ESPL1: variants seen among roughly 807,000 people sequenced by gnomAD.
ESPL1 encodes extra spindle pole bodies like 1, separase.
Under a neutral mutation model 217.2 loss-of-function variants are expected in ESPL1, and 50 were observed. The ratio of observed to expected loss-of-function variants is 0.23; its 90% CI spans 0.18 to 0.29. The LOEUF (loss-of-function observed/expected upper bound fraction) is 0.29. ESPL1 is among the 10% of genes least tolerant of loss of function. ESPL1 has a pLI of 1.00. For synonymous variants in ESPL1, 994 were observed against 1,081.3 expected, an observed-to-expected ratio of 0.92 and a Z score of 1.58; for missense variants, 1,834 against 2,603.0, an observed-to-expected ratio of 0.70 and a Z score of 6.43.
At chr12:53,289,752 G>A in intron 22 of ESPL1, 158 bp downstream of exon 22, 1 of 690,528 alleles carries the variant, frequency 1.4e-6, no homozygotes, top group South Asian at 2.1e-5. Context: ...AGGAAGGTTT[G>A]TTGTTTTTTT....
In ESPL1 at chr12:53,285,986, C is replaced by A. The variant is rs202160500; in HGVS notation, c.3250C>A (p.Gln1084Lys). The A allele has an allele frequency of 6.3e-7, 1 of 1,582,788 alleles. No individual in the cohort carries two copies. The highest frequency in any genetic ancestry group is 1.1e-5 in the South Asian group (1 of 89,110). Residue 1084 changes from glutamine (Q) to lysine (K), a missense_variant, in exon 18 of 31, where the codon CAG (glutamine) becomes AAG (lysine). Gln to Lys is a moderately conservative substitution (Grantham distance 53, BLOSUM62 1). Coordinates refer to ENST00000257934, the MANE Select transcript of ESPL1 (RefSeq NM_012291.5). Reference sequence around the variant, plus strand: ...GAAGGTCCACCTGCAGAAGGGGAAGCAGCAGGCCCAGGTCCCCTGTCCTCC... The same window carrying A: ...GAAGGTCCACCTGCAGAAGGGGAAGAAGCAGGCCCAGGTCCCCTGTCCTCC... ...VKKVHLQKGKQQAQVPCPPQL... is the reference protein window; with the variant it reads ...VKKVHLQKGKKQAQVPCPPQL...
Position 53,286,243 on chromosome 12 carries a change from G to T in ESPL1, c.3507G>T (p.Gly1169=). 1 of 1,614,248 alleles carries T rather than the reference G, an allele frequency of 6.2e-7. No homozygotes were observed. ...VCLRWVLVTA[G]VRLAMGHQAQ... ...TGCGCTGGGTATTGGTCACGGCAGG[G>T]GTGAGGCTGGCCATGGGCCACCAAG... The change falls in exon 18 of 31, where the codon GGG becomes GGT. Residue 1169 remains glycine (G), a synonymous_variant. Coordinates refer to ENST00000257934, the MANE Select transcript of ESPL1 (RefSeq NM_012291.5). This position sits in a 1 kb window ranked among gnomAD's most constrained non-coding sequence, Gnocchi z 5.3.
chr12:53,278,203 C>T (rs1943803418), intron 11 of ESPL1, among the ~76,000 whole-genome samples: 1 of 152,194 alleles, frequency 6.6e-6, no homozygotes, highest in Admixed American at 6.6e-5. Flanking sequence ...CATGCTACTG[C>T]CTCGTGGCGT....
At chr12:53,277,653 T>C in intron 10 of ESPL1, 45 bp downstream of exon 10, 1 of 1,607,480 alleles carries the variant, frequency 6.2e-7, no homozygotes, top group South Asian at 1.1e-5. Flanking sequence ...CATGGCTTCC[T>C]AAGAGTGGAA....
At position 53,269,848 on chromosome 12, in the gene ESPL1, G is replaced by C. The variant is rs1191957279; in HGVS notation, c.906G>C (p.Gln302His). 6.2e-7 allele frequency: 1 copy of C among 1,614,254 alleles called. No individual in the cohort carries two copies. Among genetic ancestry groups the C allele is most frequent in the Non-Finnish European group, 8.5e-7 (1 of 1,180,038 alleles). The part of the protein sequence containing the change: ...QLCQLGVKLL[Q>H]VGEEGPQAVA... ...GTCAGCTGGGGGTTAAGCTGCTGCA[G>C]GTTGGGGAGGAAGGACCTCAGGCAG... The change falls in exon 3 of 31, where the codon CAG (glutamine) becomes CAC (histidine). Residue 302 changes from glutamine to histidine, a missense_variant. Gln to His is a conservative substitution (Grantham distance 24). Around this residue, in one of 5 missense-constraint regions of ESPL1, gnomAD observed 746 missense variants for 1,077.0 expected, o/e 0.69. Coordinates refer to ENST00000257934, the MANE Select transcript of ESPL1 (RefSeq NM_012291.5). This position sits in a 1 kb window ranked among gnomAD's most constrained non-coding sequence, Gnocchi z 6.7.
chr12:53,279,037 G>A (rs555967188), intron 11 of ESPL1, among the ~76,000 whole-genome samples: 16 of 152,178 alleles, frequency 1.1e-4, no homozygotes, highest in African/African-American at 3.6e-4. Flanking sequence ...GACTACAGGC[G>A]CATACCACCA....
Position 53,270,673 on chromosome 12 carries a change from T to C in ESPL1, c.1249-5T>C. On this transcript the variant is annotated splice_region_variant and splice_polypyrimidine_tract_variant and intron_variant, in intron 4 of 30. Coordinates refer to ENST00000257934, the MANE Select transcript of ESPL1 (RefSeq NM_012291.5). ...CTCACTCTCAAACCCTTCTTGTCCC[T>C]TCAGATAGTTGATTTGGCTGACCTG... is the stretch of plus-strand genomic sequence containing the variant. The C allele has an allele frequency of 6.2e-7, 1 of 1,614,154 alleles. No homozygotes were observed. Among genetic ancestry groups the C allele is most frequent in the Non-Finnish European group, 8.5e-7 (1 of 1,180,022 alleles).
In ESPL1 at chr12:53,276,639, A is replaced by G. The variant is rs1198455000; in HGVS notation, c.1720A>G (p.Ser574Gly). Residue 574 changes from serine (S) to glycine (G), a missense_variant, in exon 8 of 31, where the codon AGT becomes GGT. Physicochemically the swap from Ser to Gly is moderately conservative, Grantham distance 56 (BLOSUM62 0). This residue lies in a region of ESPL1 where 746 missense variants were observed against 1,077.0 expected (regional missense o/e 0.69). Transcript: ENST00000257934. The part of the protein sequence containing the change: ...LQLKTLRDSL[S>G]GWDPETLALL... ...TCTCAGGACTCTGCGAGACAGCCTC[A>G]GTGGCTGGGACCCGGAGACCCTGGC... The G allele has an allele frequency of 3.1e-6, 5 of 1,612,030 alleles. No homozygotes were observed. The African/African-American group carries it at 5.3e-5, about 17-fold the overall frequency.
rs775588976 is a variant in ESPL1 at position 53,292,935 on chromosome 12, G to A, written c.6126G>A (p.Gly2042=). Reference sequence around the variant, plus strand: ...TGGCTGTGCGTGGAAACCTGGAGGGGGCTGGCATCGTGCTCAAGTACATCA... The same window carrying A: ...TGGCTGTGCGTGGAAACCTGGAGGGAGCTGGCATCGTGCTCAAGTACATCA... ...AALAVRGNLE[G]AGIVLKYIMA... Residue 2042 remains glycine (G), a synonymous_variant, in exon 30 of 31, where the codon GGG becomes GGA. Transcript: ENST00000257934. The surrounding 1 kb of genome is among the most constrained non-coding windows in gnomAD (Gnocchi z 4.5). 14 of 1,613,914 alleles carry A rather than the reference G, an allele frequency of 8.7e-6. No homozygotes were observed. The South Asian group carries it at 1.4e-4, about 16-fold the overall frequency.
At position 53,270,769 on chromosome 12, in the gene ESPL1, A is replaced by G. The variant is rs751393542; in HGVS notation, c.1340A>G (p.Gln447Arg). ...MLEALEGLSGQELTDHMGMTA... is the reference protein window; with the variant it reads ...MLEALEGLSGRELTDHMGMTA... ...GAGGCCTTAGAGGGCCTGTCGGGCC[A>G]AGAGCTGACGGACCACATGGGGATG... Residue 447 changes from glutamine (Q) to arginine (R), a missense_variant, in exon 5 of 31, where the codon CAA becomes CGA. Transcript: ENST00000257934. The G allele has an allele frequency of 6.8e-6, 11 of 1,614,098 alleles. No individual in the cohort carries two copies. In the Admixed American group the frequency reaches 8.3e-5, roughly 12 times the overall value.
chr12:53,272,195 C>T (rs910191277), intron 5 of ESPL1, among the ~76,000 whole-genome samples: 4 of 152,042 alleles, frequency 2.6e-5, no homozygotes, highest in South Asian at 2.1e-4. Context: ...CATGGAGCCA[C>T]GTTCTAGTTT....
At chr12:53,280,345 T>C (rs1943840968) in intron 12 of ESPL1, among the ~76,000 whole-genome samples, 1 of 152,198 alleles carries the variant, frequency 6.6e-6, no homozygotes, top group Admixed American at 6.5e-5. Flanking sequence ...CTGGATAACT[T>C]TGCCACAAAA....
intron 18 of ESPL1, chr12:53,287,144 C>T: frequency 2.5e-6 from 1 of 406,392 alleles, no homozygotes. Context: ...GCAATCTCAG[C>T]TCACTGCAAG....
Position 53,282,434 on chromosome 12 carries a change from A to C in ESPL1, c.2790A>C (p.Gln930His). 1 of 1,613,952 alleles carries C rather than the reference A, an allele frequency of 6.2e-7. No individual in the cohort carries two copies. The highest frequency in any genetic ancestry group is 8.5e-7 in the Non-Finnish European group (1 of 1,179,870). Reference sequence around the variant, plus strand: ...CCCTGTGGGAGCAGCTCTGTGCCCAAGGTGAAAGAATAGGGTGGATGGCCC... The same window carrying C: ...CCCTGTGGGAGCAGCTCTGTGCCCACGGTGAAAGAATAGGGTGGATGGCCC... ...SHSLWEQLCA[Q>H]GWQTPEIALI... The change falls in exon 14 of 31, where the codon CAA becomes CAC. Residue 930 changes from glutamine (Q) to histidine (H), a missense_variant and splice_region_variant. Around this residue, in one of 5 missense-constraint regions of ESPL1, gnomAD observed 107 missense variants for 171.7 expected, o/e 0.62. Coordinates refer to ENST00000257934, the MANE Select transcript of ESPL1 (RefSeq NM_012291.5). The surrounding 1 kb of genome is among the most constrained non-coding windows in gnomAD (Gnocchi z 4.0).
At position 53,272,731 on chromosome 12, in the gene ESPL1, C is replaced by G. The variant is rs762132796; in HGVS notation, c.1380C>G (p.Thr460=). The change falls in exon 6 of 31, where the codon ACC becomes ACG. Residue 460 remains threonine (T), a synonymous_variant. Coordinates refer to ENST00000257934, the MANE Select transcript of ESPL1 (RefSeq NM_012291.5). Reference sequence around the variant, plus strand: ...TTTTCTCCCCTGCAGCTTCTTACACCAGTAATTTGGCCTACAGCTTCTATA... The same window carrying G: ...TTTTCTCCCCTGCAGCTTCTTACACGAGTAATTTGGCCTACAGCTTCTATA... ...TDHMGMTASY[T]SNLAYSFYSH... The G allele has an allele frequency of 4.3e-6, 7 of 1,613,628 alleles. No homozygotes were observed. In the African/African-American group the frequency reaches 8.0e-5, roughly 18 times the overall value.
At position 53,288,135 on chromosome 12, in the gene ESPL1, G is replaced by A. The variant is rs1213555986; in HGVS notation, c.4340G>A (p.Gly1447Glu). The A allele has an allele frequency of 6.2e-7, 1 of 1,613,712 alleles. No homozygotes were observed. The highest frequency in any genetic ancestry group is 1.7e-5 in the Admixed American group (1 of 59,988). The change falls in exon 19 of 31, where the codon GGG (glycine) becomes GAG (glutamate). Residue 1447 changes from glycine (G) to glutamate (E), a missense_variant. Physicochemically the swap from Gly to Glu is moderately conservative, Grantham distance 98. This residue lies in a region of ESPL1 where 681 missense variants were observed against 808.0 expected (regional missense o/e 0.84). Coordinates refer to ENST00000257934, the MANE Select transcript of ESPL1 (RefSeq NM_012291.5). Reference protein sequence around the residue: ...DAVVAPGSAPGNPGLNGRSRR... With the variant: ...DAVVAPGSAPENPGLNGRSRR... ...GTGGTTGCCCCAGGTAGTGCCCCTG[G>A]GAACCCTGGCCTGAATGGCAGGAGC...
rs930208425 is a variant in ESPL1 at position 53,277,760 on chromosome 12, A to G, written c.2225-61A>G. On this transcript the variant is annotated intron_variant, in intron 10 of 30. Coordinates refer to ENST00000257934, the MANE Select transcript of ESPL1 (RefSeq NM_012291.5). ...AAAGGGCAGAGGATGTTATGGAGGA[A>G]GGGAAGTTCTCTCCAGATGGCCCAT... 8.8e-6 allele frequency: 14 copies of G among 1,596,296 alleles called. No homozygotes were observed. The East Asian group carries it at 1.8e-4, about 20-fold the overall frequency.
chr12:53,276,777 G>T lies in ESPL1; in HGVS notation c.1858G>T (p.Ala620Ser). ...LLELSPEETP[A>S]GAWARATHLV... ...GGAGCTGAGCCCCGAGGAGACACCA[G>T]CCGGGGCCTGGGCACGAGCCACCCA... The change falls in exon 8 of 31, where the codon GCC (alanine) becomes TCC (serine). Residue 620 changes from alanine to serine, a missense_variant. Coordinates refer to ENST00000257934, the MANE Select transcript of ESPL1 (RefSeq NM_012291.5). The T allele has an allele frequency of 1.2e-6, 2 of 1,613,896 alleles. No individual in the cohort carries two copies. The highest frequency in any genetic ancestry group is 1.7e-6 in the Non-Finnish European group (2 of 1,180,042).
chr12:53,281,627 G>GT lies in ESPL1; in HGVS notation c.2619+2dup. On this transcript the variant is annotated splice_donor_variant, in intron 13 of 30. Coordinates refer to ENST00000257934, the MANE Select transcript of ESPL1 (RefSeq NM_012291.5). LOFTEE classifies it high-confidence loss of function. ...TCAACTCTACTGGACTCACCAGAAG[G>GT]TATTTCTCACTTTCTTAAACTCCGA... The GT allele has an allele frequency of 6.2e-7, 1 of 1,611,378 alleles. No homozygotes were observed. Among genetic ancestry groups the GT allele is most frequent in the Non-Finnish European group, 8.5e-7 (1 of 1,178,992 alleles).
Sources: gnomAD v4.1 joint callset for allele counts (sites outside exome capture counted in the v4.1 genomes callset) on GRCh38, gnomAD v4.1.1 for gene constraint, gnomAD v4.1.1 regional missense constraint, Gnocchi (gnomAD v3.1) non-coding constraint, MANE v1.5 for transcripts, NCBI Gene and HGNC (gene_info 2026-07-23, HGNC 2026-07-21) for gene names.